The following CBFB variants were observed in gnomAD, a reference collection of about 807,000 sequenced individuals.
The protein encoded by CBFB is core-binding factor subunit beta.
In CBFB, 9 loss-of-function variants were observed where a neutral mutation model predicts 30.4. The ratio of observed to expected loss-of-function variants is 0.30; its 90% CI spans 0.18 to 0.52. CBFB has a LOEUF of 0.52. CBFB is among the 20% of genes least tolerant of loss of function. CBFB has a pLI of 0.97. For synonymous variants in CBFB, 94 were observed against 84.0 expected, an observed-to-expected ratio of 1.12 and a Z score of -0.65; for missense variants, 170 against 244.0, an observed-to-expected ratio of 0.70 and a Z score of 2.02.
intron 3 of CBFB, among the ~76,000 whole-genome samples, chr16:67,041,230 A>AC (rs1966524997): frequency 6.6e-6 from 1 of 152,196 alleles, no homozygotes; most frequent in Non-Finnish European, 1.5e-5. Flanking sequence ...ATGCTCCTGC[A>AC]CCTAGCTCAG....
intron 2 of CBFB, chr16:67,036,327 A>G: frequency 4.1e-6 from 1 of 245,410 alleles, no homozygotes; most frequent in East Asian, 7.7e-5. Context: ...TTAAATGCAG[A>G]GATGGATAGT....
chr16:67,055,290 A>G (rs1050401957), intron 3 of CBFB, among the ~76,000 whole-genome samples: 4 of 151,022 alleles, frequency 2.6e-5, no homozygotes, highest in Middle Eastern at 3.4e-3. Flanking sequence ...CATTTATTGA[A>G]TATGTATTTA....
intron 5 of CBFB, among the ~76,000 whole-genome samples, chr16:67,096,290 A>G (rs1205665130): frequency 6.6e-6 from 1 of 151,944 alleles, no homozygotes; most frequent in Admixed American, 6.6e-5. Flanking sequence ...CAGCCTGGAA[A>G]ACAGAGCAAG....
chr16:67,088,801 A>G (rs1961799519), intron 5 of CBFB, among the ~76,000 whole-genome samples: 1 of 152,138 alleles, frequency 6.6e-6, no homozygotes, highest in South Asian at 2.1e-4. Context: ...CTGTTTGGAT[A>G]ACTTCTGAGG....
chr16:67,045,281 C>T (rs1366855034), intron 3 of CBFB, among the ~76,000 whole-genome samples: 2 of 151,846 alleles, frequency 1.3e-5, no homozygotes, highest in African/African-American at 2.4e-5. Flanking sequence ...TTTGGGAGGC[C>T]GAGGCAGGTG....
chr16:67,037,783 C>T (rs1216752942), intron 3 of CBFB, among the ~76,000 whole-genome samples: 2 of 151,416 alleles, frequency 1.3e-5, no homozygotes, highest in East Asian at 3.9e-4. Flanking sequence ...ATTCTCCTGC[C>T]TCAGCCTCCT....
chr16:67,079,939 G>A (rs1005531727), intron 4 of CBFB, among the ~76,000 whole-genome samples: 1 of 152,102 alleles, frequency 6.6e-6, no homozygotes, highest in Admixed American at 6.6e-5. Context: ...TTGAGGTCAG[G>A]AGTTCGAGAC....
At chr16:67,091,007 T>G (rs897887162) in intron 5 of CBFB, among the ~76,000 whole-genome samples, 1 of 152,214 alleles carries the variant, frequency 6.6e-6, no homozygotes, top group Non-Finnish European at 1.5e-5. Context: ...CAATATTCTT[T>G]CTTGTGTATG....
chr16:67,043,834 T>C (rs776544627), intron 3 of CBFB, among the ~76,000 whole-genome samples: 13 of 152,244 alleles, frequency 8.5e-5, no homozygotes, highest in Non-Finnish European at 1.3e-4. Context: ...AGAGTGTTTG[T>C]GCTACAGTGT....
At position 67,075,197 on chromosome 16, in the gene CBFB, A is replaced by ATGTGTG. The variant is rs57425666; in HGVS notation, c.400-6984_400-6979dup. On this transcript the variant is annotated intron_variant, in intron 4 of 5. Coordinates refer to ENST00000412916, the MANE Select transcript of CBFB (RefSeq NM_022845.3). The stretch of plus-strand genomic sequence containing the variant: ...AGAGCGAGATTCTATCTCAAAAAAA[A>ATGTGTG]TGTGTGTGTGTGTGTGTGTGTGTGT... 3.1e-3 allele frequency among the ~76,000 whole-genome samples: 439 copies of ATGTGTG among 142,764 alleles called. 3 individuals are homozygous for ATGTGTG. Among genetic ancestry groups the ATGTGTG allele is most frequent in the Non-Finnish European group, 5.4e-3 (351 of 65,014 alleles). 93.7% of individuals were successfully genotyped at this position (142,764 alleles called of 152,430 possible). A position where few individuals can be genotyped will look rare whatever the true frequency, so the allele number is the denominator to read the frequency against.
At chr16:67,051,929 A>T (rs1449206201) in intron 3 of CBFB, among the ~76,000 whole-genome samples, 1 of 151,402 alleles carries the variant, frequency 6.6e-6, no homozygotes, top group Non-Finnish European at 1.5e-5. Context: ...ACACACACAC[A>T]CACACACACA....
At chr16:67,063,071 T>C (rs1223585212) in intron 3 of CBFB, among the ~76,000 whole-genome samples, 1 of 152,160 alleles carries the variant, frequency 6.6e-6, no homozygotes, top group African/African-American at 2.4e-5. Context: ...TCATGAGAGA[T>C]GGTAAATCAA....
At chr16:67,065,586 C>G (rs980771218) in intron 3 of CBFB, among the ~76,000 whole-genome samples, 31 of 151,794 alleles carry the variant, frequency 2.0e-4, no homozygotes, top group African/African-American at 7.5e-4. Context: ...CTGTGTTGCC[C>G]AGGCAGGTCT....
intron 5 of CBFB, among the ~76,000 whole-genome samples, chr16:67,089,568 C>A (rs1483138842): frequency 6.6e-6 from 1 of 152,100 alleles, no homozygotes. Flanking sequence ...ATGTGAAACC[C>A]TTCCTCCATT....
At position 67,055,357 on chromosome 16, in the gene CBFB, C is replaced by CTTTTT. The variant is rs1163773529; in HGVS notation, c.283-11302_283-11298dup. On this transcript the variant is annotated intron_variant, in intron 3 of 5. Transcript: ENST00000412916. ...AAATCTATTGAATTCCAGACACTTT[C>CTTTTT]TTTTTTTTTTTTTTTTTTTTTTTTT... Among the ~76,000 whole-genome samples, 100 of 81,460 alleles carry CTTTTT rather than the reference C, an allele frequency of 1.2e-3. 16 individuals carry two copies. Among genetic ancestry groups the CTTTTT allele is most frequent in the African/African-American group, 4.6e-3 (84 of 18,438 alleles). 53.4% of individuals were successfully genotyped at this position (81,460 alleles called of 152,430 possible). A position where few individuals can be genotyped will look rare whatever the true frequency, so the allele number is the denominator to read the frequency against.
At chr16:67,086,094 A>T (rs1194579581) in intron 5 of CBFB, among the ~76,000 whole-genome samples, 1 of 152,202 alleles carries the variant, frequency 6.6e-6, no homozygotes, top group Non-Finnish European at 1.5e-5. Context: ...AGAGAAGAAA[A>T]TGGAGGGATA....
intron 5 of CBFB, among the ~76,000 whole-genome samples, chr16:67,098,100 T>C (rs1962108573): frequency 6.6e-6 from 1 of 150,800 alleles, no homozygotes; most frequent in South Asian, 2.1e-4. Flanking sequence ...TAAATATAGA[T>C]TTGTTGTGGG....
intron 2 of CBFB, among the ~76,000 whole-genome samples, chr16:67,033,767 A>G (rs1328633950): frequency 7.0e-6 from 1 of 143,202 alleles, no homozygotes; most frequent in Non-Finnish European, 1.5e-5. Context: ...GCCTGCCACC[A>G]CACCCGGCTA....
chr16:67,068,045 G>T (rs911153902), intron 4 of CBFB, among the ~76,000 whole-genome samples: 4 of 152,212 alleles, frequency 2.6e-5, no homozygotes, highest in Non-Finnish European at 4.4e-5. Context: ...ATCTTTGAAA[G>T]CATTTCCCCA....
Sources: allele counts gnomAD v4.1 joint callset (sites outside exome capture counted in the v4.1 genomes callset), GRCh38; gene constraint gnomAD v4.1.1; transcripts MANE v1.5; gene names NCBI Gene and HGNC (gene_info 2026-07-23, HGNC 2026-07-21).